Variants in AKAP13 observed in about 807,000 individuals in gnomAD.
AKAP13 encodes A-kinase anchor protein 13.
In AKAP13, 80 loss-of-function variants were observed where a neutral mutation model predicts 264.5. The observed-to-expected ratio is 0.30, with a 90% CI of 0.25 to 0.36. AKAP13 has a LOEUF of 0.36. Ranked by LOEUF, AKAP13 falls within the 10% of genes least tolerant of loss-of-function variation. AKAP13 has a pLI of 1.00. For missense variants in AKAP13, 3,712 were observed against 3,435.2 expected, an observed-to-expected ratio of 1.08 and a Z score of -2.01; for synonymous variants, 1,380 against 1,250.2, an observed-to-expected ratio of 1.10 and a Z score of -2.19.
At chr15:85,631,960 A>G (rs2081851591) in intron 8 of AKAP13, among the ~76,000 whole-genome samples, 1 of 152,330 alleles carries the variant, frequency 6.6e-6, no homozygotes, top group East Asian at 1.9e-4. Flanking sequence ...TCGTTCAGAC[A>G]TATCCACCCA....
chr15:85,625,455 A>G (rs538680138), intron 8 of AKAP13, among the ~76,000 whole-genome samples: 7 of 152,330 alleles, frequency 4.6e-5, no homozygotes, highest in South Asian at 4.1e-4. Flanking sequence ...TTTATCTGTT[A>G]GCGTGAAAAC....
chr15:85,684,723 C>G lies in AKAP13; in HGVS notation c.5157-18C>G, dbSNP rs183226678. On this transcript the variant is annotated intron_variant, in intron 15 of 36. Transcript: ENST00000394518. Reference sequence around the variant, plus strand: ...CTGTAGCCCTTTAAAAAAAATCAATCTTCTTGTTTTTATTTAGTATAACAG... The same window carrying G: ...CTGTAGCCCTTTAAAAAAAATCAATGTTCTTGTTTTTATTTAGTATAACAG... 1.3e-6 allele frequency: 2 copies of G among 1,598,082 alleles called. No individual in the cohort carries two copies. The highest frequency in any genetic ancestry group is 1.3e-5 in the African/African-American group (1 of 74,244).
At chr15:85,536,299 A>C (rs2077395255) in intron 4 of AKAP13, 1 of 152,268 alleles carries the variant, frequency 6.6e-6, no homozygotes, top group African/African-American at 2.4e-5. Flanking sequence ...ATATCATTAC[A>C]CATTTATCAT....
chr15:85,389,819 G>A (rs188382053), intron 1 of AKAP13: 6 of 152,226 alleles, frequency 3.9e-5, no homozygotes, highest in Admixed American at 2.6e-4. Context: ...CTGTCCCCCC[G>A]TGGGGGAGTC....
chr15:85,656,507 C>T (rs987918737), intron 11 of AKAP13, among the ~76,000 whole-genome samples: 5 of 152,010 alleles, frequency 3.3e-5, no homozygotes, highest in African/African-American at 9.7e-5. Flanking sequence ...AGTGCAGCGG[C>T]GCAATCTCGG....
rs1491165008 is a variant in AKAP13 at position 85,563,353 on chromosome 15, TTA to T, written c.663-11777_663-11776del. Among the ~76,000 whole-genome samples, 864 of 124,504 alleles carry T rather than the reference TTA, an allele frequency of 6.9e-3. 16 individuals carry two copies. Among genetic ancestry groups the T allele is most frequent in the African/African-American group, 0.032 (815 of 25,446 alleles). The allele number at this position is 124,504 out of a possible 152,430, so 81.7% of individuals were successfully genotyped here. A position where few individuals can be genotyped will look rare whatever the true frequency, so the allele number is the denominator to read the frequency against. On this transcript the variant is annotated intron_variant, in intron 5 of 36. Coordinates refer to ENST00000394518, the MANE Select transcript of AKAP13 (RefSeq NM_007200.5). ...TGTTTTTTTTTTTTTTTTTTTTTTT[TTA>T]AAGACGGAGAATGAGAATTTGGGCT...
rs2089276373 is a variant in AKAP13 at position 85,744,185 on chromosome 15, T to C, written c.8392+360T>C. On this transcript the variant is annotated intron_variant, in intron 36 of 36. Transcript: ENST00000394518. ...TGGTGATTTAACCCTCAAATGACTG[T>C]ATGAAGTTGGCACTGCTAACCCCAA... The C allele has an allele frequency of 3.3e-5, 10 of 304,542 alleles. No homozygotes were observed. In the South Asian group the frequency reaches 3.7e-4, roughly 11 times the overall value. The allele number at this position is 304,542 out of a possible 1,614,324, so 18.9% of individuals were successfully genotyped here.
chr15:85,398,817 C>T (rs776837697), intron 1 of AKAP13, among the ~76,000 whole-genome samples: 44 of 152,252 alleles, frequency 2.9e-4, no homozygotes, highest in Middle Eastern at 6.8e-3. Context: ...CCGCCAGCCA[C>T]CTTTATATGA....
intron 6 of AKAP13, chr15:85,577,744 G>A: frequency 1.1e-6 from 1 of 901,138 alleles, no homozygotes; most frequent in Admixed American, 6.2e-5. Context: ...TATTTAATAT[G>A]TTCTGATTTT....
chr15:85,503,418 A>G (rs987947141), intron 2 of AKAP13, among the ~76,000 whole-genome samples: 2 of 152,182 alleles, frequency 1.3e-5, no homozygotes, highest in Non-Finnish European at 2.9e-5. Context: ...AATGCTGTCC[A>G]TTCTGTATTG....
chr15:85,415,263 C>T, intron 1 of AKAP13: 1 of 1,577,294 alleles, frequency 6.3e-7, no homozygotes, highest in Non-Finnish European at 8.6e-7. Context: ...AAGATGGCGC[C>T]TGGTGGACAG....
chr15:85,653,609 A>G (rs1303053598), intron 10 of AKAP13, among the ~76,000 whole-genome samples: 1 of 152,232 alleles, frequency 6.6e-6, no homozygotes, highest in Non-Finnish European at 1.5e-5. Context: ...GTATAGAGAT[A>G]TAGAGCTTGT....
intron 2 of AKAP13, among the ~76,000 whole-genome samples, chr15:85,486,539 CCTTGTTGAAA>C (rs1474140766): frequency 6.6e-6 from 1 of 151,992 alleles, no homozygotes; most frequent in African/African-American, 2.4e-5. Context: ...TCTTGGGCAT[CCTTGTTGAAA>C]TTGATCAGAA....
chr15:85,741,447 G>A lies in AKAP13; in HGVS notation c.8010G>A (p.Arg2670=), dbSNP rs202210083. Residue 2670 remains arginine, a synonymous_variant, in exon 35 of 37, where the codon CGG becomes CGA. Coordinates refer to ENST00000394518, the MANE Select transcript of AKAP13 (RefSeq NM_007200.5). The stretch of plus-strand genomic sequence containing the variant: ...AGAGGGAACAGGAGCAGCTGCGCCG[G>A]GAGGCAGAGCGGCTCAGCCAGCGGC... ...QLEREQEQLR[R]EAERLSQRQT... 2.5e-6 allele frequency: 4 copies of A among 1,608,462 alleles called. No individual in the cohort carries two copies. In the Admixed American group the frequency reaches 5.0e-5, roughly 20 times the overall value.
intron 5 of AKAP13, among the ~76,000 whole-genome samples, chr15:85,550,591 T>C (rs2077925346): frequency 6.6e-6 from 1 of 152,250 alleles, no homozygotes; most frequent in African/African-American, 2.4e-5. Flanking sequence ...TTTTGCCCTT[T>C]TAGATTCCTC....
intron 8 of AKAP13, among the ~76,000 whole-genome samples, chr15:85,629,763 C>CGTTTTTTTTTTT (rs1567164100): frequency 1.3e-5 from 1 of 76,148 alleles, no homozygotes; most frequent in African/African-American, 4.1e-5. Flanking sequence ...TCCTTTACAG[C>CGTTTTTTTTTTT]CTTTTTTTTT....
intron 1 of AKAP13, among the ~76,000 whole-genome samples, chr15:85,447,964 T>C (rs1182576801): frequency 6.6e-6 from 1 of 152,238 alleles, no homozygotes; most frequent in East Asian, 1.9e-4. Flanking sequence ...TCCACAATGG[T>C]TGAACTAATT....
chr15:85,449,036 A>G (rs1472704923), intron 1 of AKAP13, among the ~76,000 whole-genome samples: 1 of 152,080 alleles, frequency 6.6e-6, no homozygotes, highest in Non-Finnish European at 1.5e-5. Flanking sequence ...ATCCATGAGC[A>G]TGGATGTTTT....
Position 85,485,645 on chromosome 15 carries a change from G to A in AKAP13, c.-11-65G>A, listed in dbSNP as rs1311052119. ...GCTATGCTTGACACCTAGGACTTTA[G>A]GTGGCTTATATATTTTCGGTGACAA... On this transcript the variant is annotated intron_variant, in intron 1 of 36. Coordinates refer to ENST00000394518, the MANE Select transcript of AKAP13 (RefSeq NM_007200.5). The A allele has an allele frequency of 7.6e-6, 11 of 1,449,678 alleles. No individual in the cohort carries two copies. In the South Asian group the frequency reaches 1.0e-4, roughly 14 times the overall value. 89.8% of individuals were successfully genotyped at this position (1,449,678 alleles called of 1,614,324 possible). A position where few individuals can be genotyped will look rare whatever the true frequency, so the allele number is the denominator to read the frequency against.
Sources: allele counts gnomAD v4.1 joint callset (sites outside exome capture counted in the v4.1 genomes callset), GRCh38; gene constraint gnomAD v4.1.1; transcripts MANE v1.5; gene names NCBI Gene and HGNC (gene_info 2026-07-23, HGNC 2026-07-21).